SYT10: variants seen among roughly 807,000 people sequenced by gnomAD.
SYT10 encodes synaptotagmin-10.
SYT10 carries 31 observed loss-of-function variants against 51.1 expected under a neutral mutation model. That is an observed-to-expected ratio of 0.61 (90% CI 0.46 to 0.82). The LOEUF is 0.82. Among genes scored for constraint, SYT10 ranks in the 40% least tolerant of loss-of-function variants. The probability of loss-of-function intolerance (pLI) is 0.00; values close to 1 mark genes in which losing one functional copy is unlikely to be tolerated. For missense variants in SYT10, 603 were observed against 634.0 expected (o/e 0.95, Z 0.53); for synonymous variants, 233 against 225.9 (o/e 1.03, Z -0.28).
At chr12:33,433,945 G>A (rs1866617315) in intron 1 of SYT10, among the ~76,000 whole-genome samples, 1 of 152,120 alleles carries the variant, frequency 6.6e-6, no homozygotes, top group African/African-American at 2.4e-5. Flanking sequence ...ACTAACTAGT[G>A]ATGATTTGAA....
intron 4 of SYT10, among the ~76,000 whole-genome samples, chr12:33,384,124 GTCTC>G (rs1866138776): frequency 6.6e-6 from 1 of 152,038 alleles, no homozygotes; most frequent in South Asian, 2.1e-4. Flanking sequence ...AATAAGTAGT[GTCTC>G]TCTCATTTGT....
At chr12:33,400,339 AAT>A (rs1866291862) in intron 3 of SYT10, among the ~76,000 whole-genome samples, 2 of 152,308 alleles carry the variant, frequency 1.3e-5, no homozygotes, top group African/African-American at 4.8e-5. Context: ...TGTGTAATAA[AAT>A]ATGTTATTTC....
At chr12:33,397,097 C>T (rs1195363931) in intron 3 of SYT10, among the ~76,000 whole-genome samples, 2 of 152,124 alleles carry the variant, frequency 1.3e-5, no homozygotes, top group Non-Finnish European at 2.9e-5. Flanking sequence ...GTAATGAGCA[C>T]ATAGATATAC....
intron 5 of SYT10, 94 bp from the exon 6 acceptor site, chr12:33,380,055 A>T: frequency 1.5e-6 from 2 of 1,372,282 alleles, no homozygotes; most frequent in Non-Finnish European, 2.0e-6. Flanking sequence ...TATGATTAAA[A>T]CATTAGATTC....
rs1157633651 is a variant in SYT10 at position 33,382,336 on chromosome 12, G to C, written c.1370+13C>G. 5 of 1,564,102 alleles carry C rather than the reference G, an allele frequency of 3.2e-6. No individual in the cohort carries two copies. Among genetic ancestry groups the C allele is most frequent in the Non-Finnish European group, 2.6e-6 (3 of 1,157,504 alleles). ...ACATGGCTGCTCTTCAGTGAGAAGA[G>C]AGATACACATACCTATCGTAATCCA... On this transcript the variant is annotated intron_variant, in intron 5 of 6. Coordinates refer to ENST00000228567, the MANE Select transcript of SYT10 (RefSeq NM_198992.4).
Position 33,382,374 on chromosome 12 carries a change from A to T in SYT10, c.1345T>A (p.Ser449Thr). ...PPENVDQVSLSIAVMDYDRVG... is the reference protein window; with the variant it reads ...PPENVDQVSLTIAVMDYDRVG... ...CTATCGTAATCCATGACCGCAATGG[A>T]GAGGCTGACCTGGTCCACGTTCTCT... Residue 449 changes from serine to threonine, a missense_variant, in exon 5 of 7, where the codon TCC becomes ACC. Ser to Thr is a moderately conservative substitution (Grantham distance 58, BLOSUM62 1). Transcript: ENST00000228567. 5 of 1,609,770 alleles carry T rather than the reference A, an allele frequency of 3.1e-6. No homozygotes were observed. Among genetic ancestry groups the T allele is most frequent in the Non-Finnish European group, 4.2e-6 (5 of 1,177,942 alleles).
chr12:33,383,575 T>A (rs1866134083), intron 4 of SYT10, among the ~76,000 whole-genome samples: 1 of 152,182 alleles, frequency 6.6e-6, no homozygotes, highest in South Asian at 2.1e-4. Flanking sequence ...TTTAAATTTT[T>A]AAATAATATG....
chr12:33,421,569 TA>T (rs2138428408), intron 2 of SYT10, among the ~76,000 whole-genome samples: 1 of 152,228 alleles, frequency 6.6e-6, no homozygotes, highest in African/African-American at 2.4e-5. Flanking sequence ...ATGATGTATT[TA>T]AAAAGGCAAA....
chr12:33,418,422 C>T (rs959049308), intron 2 of SYT10, among the ~76,000 whole-genome samples: 1 of 152,154 alleles, frequency 6.6e-6, no homozygotes, highest in Non-Finnish European at 1.5e-5. Flanking sequence ...ACATAATCTA[C>T]ATGCTGAGGA....
At chr12:33,439,313 A>G (rs1866664046) in intron 1 of SYT10, 59 bp downstream of exon 1, 1 of 1,560,286 alleles carries the variant, frequency 6.4e-7, no homozygotes, top group South Asian at 1.2e-5. Context: ...CGGAGCTTGC[A>G]GCCTAGCGCG....
At chr12:33,414,315 A>G (rs1866435196) in intron 2 of SYT10, among the ~76,000 whole-genome samples, 1 of 152,252 alleles carries the variant, frequency 6.6e-6, no homozygotes, top group African/African-American at 2.4e-5. Flanking sequence ...AATTGAACTC[A>G]GCTCTGCACC....
intron 3 of SYT10, among the ~76,000 whole-genome samples, chr12:33,397,082 C>G (rs1591986464): frequency 6.6e-6 from 1 of 152,158 alleles, no homozygotes; most frequent in African/African-American, 2.4e-5. Context: ...TTGATTTCTC[C>G]TAAGGTAATG....
intron 1 of SYT10, among the ~76,000 whole-genome samples, chr12:33,432,003 A>G (rs767136825): frequency 1.6e-4 from 25 of 152,154 alleles, no homozygotes; most frequent in Non-Finnish European, 3.4e-4. Flanking sequence ...CAAGGACATC[A>G]TTAATTCTGA....
intron 3 of SYT10, among the ~76,000 whole-genome samples, chr12:33,392,106 C>A (rs1866212885): frequency 1.3e-5 from 2 of 152,306 alleles, no homozygotes; most frequent in Middle Eastern, 6.8e-3. Flanking sequence ...TTAGAGGATA[C>A]TTATCTATTA....
intron 4 of SYT10, among the ~76,000 whole-genome samples, chr12:33,384,960 T>A (rs745518826): frequency 3.3e-5 from 5 of 152,166 alleles, no homozygotes; most frequent in Non-Finnish European, 7.4e-5. Context: ...AGAACCCAAA[T>A]TCAGATCTAT....
intron 3 of SYT10, among the ~76,000 whole-genome samples, chr12:33,394,891 T>C (rs1334063212): frequency 6.6e-6 from 1 of 152,142 alleles, no homozygotes; most frequent in Non-Finnish European, 1.5e-5. Flanking sequence ...ATCAAGACCA[T>C]CCTGGCTAAC....
intron 1 of SYT10, among the ~76,000 whole-genome samples, chr12:33,437,604 G>A (rs1379626898): frequency 6.6e-6 from 1 of 152,148 alleles, no homozygotes; most frequent in African/African-American, 2.4e-5. Context: ...CAGGAAAGAG[G>A]AAAATCAGTA....
chr12:33,381,150 C>T (rs2138382432), intron 5 of SYT10, among the ~76,000 whole-genome samples: 1 of 152,252 alleles, frequency 6.6e-6, no homozygotes, highest in East Asian at 1.9e-4. Context: ...ATGAAAACAT[C>T]TGCAACTTTT....
chr12:33,432,670 T>C (rs1018918376), intron 1 of SYT10: 14 of 152,208 alleles, frequency 9.2e-5, no homozygotes, highest in Non-Finnish European at 5.9e-5. Context: ...TATTAATAAA[T>C]ACTGAAGAGA....
Sources: allele counts gnomAD v4.1 joint callset (sites outside exome capture counted in the v4.1 genomes callset), GRCh38; gene constraint gnomAD v4.1.1; transcripts MANE v1.5; gene names NCBI Gene and HGNC (gene_info 2026-07-23, HGNC 2026-07-21).